WDR45: variants seen among roughly 807,000 people sequenced by gnomAD.
The protein encoded by WDR45 is WD repeat domain phosphoinositide-interacting protein 4.
In WDR45, 2 loss-of-function variants were observed where a neutral mutation model predicts 27.3. The observed-to-expected ratio is 0.07, with a 90% confidence interval of 0.03 to 0.23. The LOEUF (loss-of-function observed/expected upper bound fraction) is 0.23. Among genes scored for constraint, WDR45 ranks in the 10% least tolerant of loss-of-function variants. WDR45 has a pLI of 1.00. For synonymous variants in WDR45, 99 were observed against 119.2 expected (o/e 0.83, Z 1.11); for missense variants, 175 against 311.9 (o/e 0.56, Z 3.31).
rs1243123079 is a variant in WDR45, at chrX:49,076,479, G to A, written c.387C>T (p.Pro129=). ...LKNRIYVYSF[P]DNPRKLFEFD... is the part of the protein sequence containing the mutation. ...ACTCAAACAGCTTTCGGGGATTGTC[G>A]GGGAAGGAGTACACATAGATGCGGT... Residue 129 remains proline (P), a synonymous_variant, in exon 6 of 11, where the codon CCC becomes CCT. Coordinates refer to ENST00000376372, the MANE Select transcript of WDR45 (RefSeq NM_001029896.2). The A allele has an allele frequency of 5.8e-6, 7 of 1,212,083 alleles. No individual in the cohort carries two copies. The highest frequency in any genetic ancestry group is 2.3e-4 in the Middle Eastern group (1 of 4,311).
upstream of WDR45, among the ~76,000 whole-genome samples, chrX:49,081,731 C>A (rs2147820708): frequency 9.3e-6 from 1 of 107,819 alleles, no homozygotes; most frequent in African/African-American, 3.4e-5. Flanking sequence ...TGCCTGTAAT[C>A]CCAGCAATTT....
chrX:49,091,801 A>C (rs1421919604), intron 2 of WDR45, among the ~76,000 whole-genome samples: 1 of 95,292 alleles, frequency 1.0e-5, no homozygotes, highest in Non-Finnish European at 2.1e-5. Flanking sequence ...AATTTAGAAG[A>C]GTTCATACTA....
At chrX:49,091,435 C>T (rs985663230) in intron 2 of WDR45, among the ~76,000 whole-genome samples, 39 of 107,123 alleles carry the variant, frequency 3.6e-4, no homozygotes, top group African/African-American at 1.2e-3. Context: ...AGCGAGACTC[C>T]GTCTCAAAAA....
At chrX:49,080,253 G>A (rs1183763353), upstream of WDR45, 2 of 111,833 alleles carry the variant, frequency 1.8e-5, no homozygotes, top group Non-Finnish European at 1.9e-5. Context: ...TAGCCGCCCC[G>A]GTTCGCAACA....
At chrX:49,097,330 GT>G (rs782550987) in intron 2 of WDR45, among the ~76,000 whole-genome samples, 4 of 91,821 alleles carry the variant, frequency 4.4e-5, no homozygotes, top group Admixed American at 1.3e-4. Flanking sequence ...CCAGCTAATT[GT>G]TTTTTTTTTT....
intron 2 of WDR45, among the ~76,000 whole-genome samples, chrX:49,090,790 G>A (rs1258045922): frequency 9.1e-6 from 1 of 110,241 alleles, no homozygotes; most frequent in Non-Finnish European, 1.9e-5. Context: ...CACCTGCTTC[G>A]GCCTCTCAAA....
At chrX:49,090,882 G>A (rs1569523894) in intron 2 of WDR45, among the ~76,000 whole-genome samples, 1 of 100,028 alleles carries the variant, frequency 1.0e-5, no homozygotes, top group African/African-American at 3.8e-5. Flanking sequence ...CACCCACACT[G>A]AAGTGCGGTG....
chrX:49,075,987 G>A lies in WDR45; in HGVS notation c.437-42C>T, dbSNP rs1557084170. ...GGGGGTGGGGTGGGCGGCTGAAGAG[G>A]AGGCAGCATCTCAGAATGGACAGAG... On this transcript the variant is annotated intron_variant, in intron 6 of 10. Transcript: ENST00000376372. 9 of 1,060,960 alleles carry A rather than the reference G, an allele frequency of 8.5e-6. No homozygotes were observed. In the Admixed American group the frequency reaches 1.2e-4, roughly 14 times the overall value. The allele number at this position is 1,060,960 out of a possible 1,213,427, so 87.4% of individuals were successfully genotyped here. A position where few individuals can be genotyped will look rare whatever the true frequency, so the allele number is the denominator to read the frequency against.
chrX:49,084,332 G>A (rs942651958), upstream of WDR45, among the ~76,000 whole-genome samples: 1 of 108,611 alleles, frequency 9.2e-6, no homozygotes, highest in South Asian at 4.0e-4. Context: ...TTACAGGCAT[G>A]AGCCACCATG....
At chrX:49,097,982 G>T (rs2147830839) in intron 2 of WDR45, among the ~76,000 whole-genome samples, 1 of 109,476 alleles carries the variant, frequency 9.1e-6, no homozygotes, top group South Asian at 3.9e-4. Flanking sequence ...TTGAGATGAG[G>T]TCTCTGTTGC....
intron 1 of WDR45, chrX:49,100,744 T>A (rs781981958): frequency 2.1e-4 from 24 of 112,411 alleles, no homozygotes; most frequent in Non-Finnish European, 3.6e-4. Context: ...GCTTTTTCAC[T>A]GCTGCAAACG....
chrX:49,075,672 G>T lies in WDR45; in HGVS notation c.598C>A (p.Leu200Ile), dbSNP rs1448486748. 8.3e-7 allele frequency: 1 copy of T among 1,209,591 alleles called. No homozygotes were observed. The highest frequency in any genetic ancestry group is 1.8e-5 in the African/African-American group (1 of 57,059). Residue 200 changes from leucine to isoleucine, a missense_variant, in exon 8 of 11, where the codon CTA becomes ATA. Transcript: ENST00000376372. ...AHQSDIACVS[L>I]NQPGTVVASA... The stretch of plus-strand genomic sequence containing the variant: ...GCCACTACAGTGCCTGGCTGGTTTA[G>T]AGACACACAGGCTATGTCACTCTGA...
intron 2 of WDR45, among the ~76,000 whole-genome samples, chrX:49,093,730 T>C (rs1295137203): frequency 2.7e-5 from 3 of 109,803 alleles, no homozygotes; most frequent in Non-Finnish European, 5.7e-5. Flanking sequence ...TTTGTGAAGA[T>C]GCGGTCTCAT....
At chrX:49,087,854 G>A (rs1426209101) in intron 2 of WDR45, among the ~76,000 whole-genome samples, 1 of 112,667 alleles carries the variant, frequency 8.9e-6, no homozygotes, top group Non-Finnish European at 1.9e-5. Context: ...CCATGATTGT[G>A]CCACTGCACT....
Position 49,076,939 on chromosome X carries a change from G to GT in WDR45, c.236-190dup, listed in dbSNP as rs2065041782. 1.9e-5 allele frequency: 8 copies of GT among 429,733 alleles called. No individual in the cohort carries two copies. In the South Asian group the frequency reaches 2.9e-4, roughly 16 times the overall value. 35.4% of individuals were successfully genotyped at this position (429,733 alleles called of 1,213,427 possible). A position where few individuals can be genotyped will look rare whatever the true frequency, so the allele number is the denominator to read the frequency against. On this transcript the variant is annotated intron_variant, in intron 4 of 10. Coordinates refer to ENST00000376372, the MANE Select transcript of WDR45 (RefSeq NM_001029896.2). The stretch of plus-strand genomic sequence containing the variant: ...ATCCCTGAGAGGAGTGTTCTAGACT[G>GT]TTACACTCATCTACAGATGAGGAAA...
chrX:49,090,882 G>T (rs1569523894), intron 2 of WDR45, among the ~76,000 whole-genome samples: 1 of 100,028 alleles, frequency 1.0e-5, no homozygotes, highest in Non-Finnish European at 2.0e-5. Flanking sequence ...CACCCACACT[G>T]AAGTGCGGTG....
intron 2 of WDR45, among the ~76,000 whole-genome samples, chrX:49,099,861 G>C (rs921762886): frequency 9.1e-6 from 1 of 110,458 alleles, no homozygotes; most frequent in Non-Finnish European, 1.9e-5. Context: ...TTGTTTCTTG[G>C]GACCAGACCT....
At chrX:49,092,183 TTTTGTATAC>T (rs2065109827) in intron 2 of WDR45, among the ~76,000 whole-genome samples, 1 of 106,838 alleles carries the variant, frequency 9.4e-6, no homozygotes, top group South Asian at 4.1e-4. Context: ...CTTTGTTATA[TTTTGTATAC>T]TTTGTTATAT....
upstream of WDR45, among the ~76,000 whole-genome samples, chrX:49,083,730 T>C (rs2147822083): frequency 9.1e-6 from 1 of 109,292 alleles, no homozygotes; most frequent in African/African-American, 3.3e-5. Flanking sequence ...GGCGGATCAC[T>C]TGAGGTCAGG....
Sources: allele counts gnomAD v4.1 joint callset (sites outside exome capture counted in the v4.1 genomes callset), GRCh38; gene constraint gnomAD v4.1.1; transcripts MANE v1.5; gene names NCBI Gene and HGNC (gene_info 2026-07-23, HGNC 2026-07-21).